PRKG1: variants seen among roughly 807,000 people sequenced by gnomAD.
PRKG1 encodes protein kinase cGMP-dependent 1, also known as cGMP-dependent protein kinase 1.
A neutral mutation model predicts 88.1 loss-of-function variants in PRKG1; 35 were observed. That is an observed-to-expected ratio of 0.40 (90% CI 0.30 to 0.53). The LOEUF (loss-of-function observed/expected upper bound fraction) is 0.53. Among genes scored for constraint, PRKG1 ranks in the 20% least tolerant of loss-of-function variants. PRKG1 has a pLI of 0.59. For synonymous variants in PRKG1, 303 were observed against 292.5 expected (o/e 1.04, Z -0.37); for missense variants, 540 against 839.8 (o/e 0.64, Z 4.41).
At chr10:50,996,906 A>G (rs1381968157) in intron 1 of PRKG1, among the ~76,000 whole-genome samples, 1 of 152,222 alleles carries the variant, frequency 6.6e-6, no homozygotes, top group Non-Finnish European at 1.5e-5. Flanking sequence ...GCTGAGTAAT[A>G]TTTCTGACAA....
At chr10:51,129,186 A>G (rs1420920135) in intron 1 of PRKG1, among the ~76,000 whole-genome samples, 2 of 152,230 alleles carry the variant, frequency 1.3e-5, no homozygotes, top group African/African-American at 4.8e-5. Flanking sequence ...AATAGAAGAC[A>G]TAAACAGGGC....
chr10:51,393,522 G>A lies in PRKG1; in HGVS notation c.479-74201G>A, dbSNP rs537712942. ...TAAAAGTCAAGGTGACCAAACAAAG[G>A]TGGTATTTTAATATAATTAATAAGA... On this transcript the variant is annotated intron_variant, in intron 2 of 17. Coordinates refer to ENST00000373980, the MANE Select transcript of PRKG1 (RefSeq NM_006258.4). Among the ~76,000 whole-genome samples, 19 of 152,330 alleles carry A rather than the reference G, an allele frequency of 1.2e-4. No homozygotes were observed. The South Asian group carries it at 3.3e-3, about 27-fold the overall frequency.
At chr10:51,809,752 C>T (rs1199056163) in intron 4 of PRKG1, among the ~76,000 whole-genome samples, 1 of 152,170 alleles carries the variant, frequency 6.6e-6, no homozygotes, top group African/African-American at 2.4e-5. Flanking sequence ...CTTGGTAAGA[C>T]AGATATGCTC....
chr10:51,330,145 AT>A lies in PRKG1; in HGVS notation c.479-137572del, dbSNP rs1217737865. Among the ~76,000 whole-genome samples the A allele has an allele frequency of 3.1e-5, 3 of 96,644 alleles. No individual in the cohort carries two copies. In the Admixed American group the frequency reaches 3.1e-4, roughly 10 times the overall value. 63.4% of individuals were successfully genotyped at this position (96,644 alleles called of 152,430 possible). A position where few individuals can be genotyped will look rare whatever the true frequency, so the allele number is the denominator to read the frequency against. ...TATTTATTTATTTATTTATTTATTTATTTTTTATTTATTTTTTTTTTTTGAG... is the reference window on the plus strand; with the variant it reads ...TATTTATTTATTTATTTATTTATTTATTTTTATTTATTTTTTTTTTTTGAG... On this transcript the variant is annotated intron_variant, in intron 2 of 17. Coordinates refer to ENST00000373980, the MANE Select transcript of PRKG1 (RefSeq NM_006258.4).
chr10:51,562,566 A>G (rs1837494898), intron 3 of PRKG1, among the ~76,000 whole-genome samples: 1 of 151,882 alleles, frequency 6.6e-6, no homozygotes, highest in African/African-American at 2.4e-5. Flanking sequence ...TCCTTTCTTG[A>G]TTGGGAATAG....
At chr10:51,530,247 C>T (rs1427459330) in intron 3 of PRKG1, among the ~76,000 whole-genome samples, 2 of 152,062 alleles carry the variant, frequency 1.3e-5, no homozygotes, top group Non-Finnish European at 2.9e-5. Context: ...TCAGGTTTCC[C>T]AGATGTTTGC....
intron 2 of PRKG1, among the ~76,000 whole-genome samples, chr10:51,286,868 C>A (rs539747308): frequency 6.6e-6 from 1 of 152,162 alleles, no homozygotes; most frequent in Admixed American, 6.5e-5. Context: ...ATAGTGTTTT[C>A]TTTTGTTTGT....
chr10:51,877,684 T>C (rs776517582), intron 4 of PRKG1, among the ~76,000 whole-genome samples: 7 of 152,208 alleles, frequency 4.6e-5, no homozygotes, highest in Non-Finnish European at 8.8e-5. Context: ...TAAAGAAGAT[T>C]GAACCAATTT....
intron 5 of PRKG1, among the ~76,000 whole-genome samples, chr10:52,048,523 A>T (rs180679154): frequency 2.0e-5 from 3 of 152,308 alleles, no homozygotes; most frequent in African/African-American, 7.2e-5. Flanking sequence ...GTCACCATCA[A>T]GGCCTTCAAC....
intron 2 of PRKG1, among the ~76,000 whole-genome samples, chr10:51,431,985 A>C (rs963617098): frequency 6.6e-6 from 1 of 152,148 alleles, no homozygotes; most frequent in Non-Finnish European, 1.5e-5. Context: ...TAGTACGTAC[A>C]TTGACATTTG....
intron 3 of PRKG1, among the ~76,000 whole-genome samples, chr10:51,574,507 G>A (rs996008667): frequency 2.7e-4 from 41 of 151,890 alleles, no homozygotes; most frequent in Non-Finnish European, 5.3e-4. Context: ...GCAGGCAAAT[G>A]GTAGCACTCA....
At chr10:51,235,718 T>TA (rs1406493637) in intron 2 of PRKG1, among the ~76,000 whole-genome samples, 2 of 152,132 alleles carry the variant, frequency 1.3e-5, no homozygotes, top group African/African-American at 4.8e-5. Flanking sequence ...ATGAAAAGGA[T>TA]AAAACCATTT....
chr10:51,580,715 CTT>C (rs34592864), intron 3 of PRKG1, among the ~76,000 whole-genome samples: 28 of 151,476 alleles, frequency 1.8e-4, no homozygotes, highest in South Asian at 1.7e-3. Flanking sequence ...AAATTATATT[CTT>C]TTTTTTTGTA....
At chr10:51,126,169 T>C (rs1208064447) in intron 1 of PRKG1, among the ~76,000 whole-genome samples, 1 of 121,060 alleles carries the variant, frequency 8.3e-6, no homozygotes, top group Admixed American at 9.0e-5. Context: ...TATATGTAAT[T>C]ATTTATATAT....
chr10:51,772,064 A>C (rs1409537983), intron 3 of PRKG1, among the ~76,000 whole-genome samples: 1 of 152,164 alleles, frequency 6.6e-6, no homozygotes, highest in African/African-American at 2.4e-5. Context: ...TCGACTTTTG[A>C]TATTTCAAGT....
chr10:52,034,370 T>A (rs1388985691), intron 5 of PRKG1, among the ~76,000 whole-genome samples: 1 of 122,516 alleles, frequency 8.2e-6, no homozygotes, highest in Non-Finnish European at 1.8e-5. Context: ...GTGGGAGAGA[T>A]TAAGCTGAAG....
intron 1 of PRKG1, among the ~76,000 whole-genome samples, chr10:51,048,678 T>C (rs1231071718): frequency 6.6e-6 from 1 of 152,140 alleles, no homozygotes; most frequent in South Asian, 2.1e-4. Context: ...GCATTAGTAT[T>C]CAATTAGACA....
At chr10:51,424,336 A>T (rs1409861408) in intron 2 of PRKG1, among the ~76,000 whole-genome samples, 1 of 152,084 alleles carries the variant, frequency 6.6e-6, no homozygotes, top group Non-Finnish European at 1.5e-5. Context: ...TTATCTTATG[A>T]ATTACAGATC....
At chr10:51,720,890 C>T (rs10762329) in intron 3 of PRKG1, among the ~76,000 whole-genome samples, 67,068 of 151,604 alleles carry the variant, frequency 0.44, 15,435 homozygotes, top group Middle Eastern at 0.57. Context: ...AAGCACTTAA[C>T]TAATAAGATG....
Sources: gnomAD v4.1 joint callset for allele counts (sites outside exome capture counted in the v4.1 genomes callset) on GRCh38, gnomAD v4.1.1 for gene constraint, MANE v1.5 for transcripts, NCBI Gene and HGNC (gene_info 2026-07-23, HGNC 2026-07-21) for gene names.